LMX1B: variants seen among roughly 807,000 people sequenced by gnomAD.
LMX1B encodes the protein LIM homeobox transcription factor 1 beta.
Under a neutral mutation model 51.4 loss-of-function variants are expected in LMX1B, and 12 were observed. The ratio of observed to expected loss-of-function variants is 0.23; its 90% CI spans 0.15 to 0.38. The LOEUF is 0.38. LMX1B is among the 10% of genes least tolerant of loss of function. The pLI is 1.00. For synonymous variants in LMX1B, 237 were observed against 235.4 expected (o/e 1.01, Z -0.06); for missense variants, 445 against 571.1 (o/e 0.78, Z 2.25).
chr9:126,648,231 T>C (rs1381229855), intron 2 of LMX1B, among the ~76,000 whole-genome samples: 1 of 152,216 alleles, frequency 6.6e-6, no homozygotes, highest in Non-Finnish European at 1.5e-5. Context: ...GAAAGTTTGC[T>C]TAGCTGTGCT....
intron 2 of LMX1B, among the ~76,000 whole-genome samples, chr9:126,682,078 A>C (rs1836685686): frequency 1.7e-5 from 1 of 58,500 alleles, no homozygotes; most frequent in Non-Finnish European, 3.4e-5. Flanking sequence ...CTTGGTCCCC[A>C]GGGTCTTTTT....
intron 2 of LMX1B, among the ~76,000 whole-genome samples, chr9:126,689,897 T>A (rs568301633): frequency 6.6e-6 from 1 of 152,328 alleles, no homozygotes; most frequent in South Asian, 2.1e-4. Context: ...CTTGCAGGGT[T>A]GTTGCAAGGA....
rs1835527686 is a variant in LMX1B at position 126,626,215 on chromosome 9, C to T, written c.326+10646C>T. Among the ~76,000 whole-genome samples, 1 of 152,218 alleles carries T rather than the reference C, an allele frequency of 6.6e-6. No individual in the cohort carries two copies. Among genetic ancestry groups the T allele is most frequent in the Admixed American group, 6.5e-5 (1 of 15,288 alleles). Reference sequence around the variant, plus strand: ...CGTGCGCCCTGGCAGAGGTCGGGGACGCCAGAGTGCACGCAGTCTCCTGCG... The same window carrying T: ...CGTGCGCCCTGGCAGAGGTCGGGGATGCCAGAGTGCACGCAGTCTCCTGCG... On this transcript the variant is annotated intron_variant, in intron 2 of 7. Coordinates refer to ENST00000373474, the MANE Select transcript of LMX1B (RefSeq NM_001174147.2). This position sits in a 1 kb window ranked among gnomAD's most constrained non-coding sequence, Gnocchi z 4.3.
chr9:126,676,383 G>A (rs990370216), intron 2 of LMX1B, among the ~76,000 whole-genome samples: 20 of 152,186 alleles, frequency 1.3e-4, no homozygotes, highest in Admixed American at 1.2e-3. Flanking sequence ...TGGCTTGTTC[G>A]CTGCTGTCCC....
At chr9:126,665,341 G>A (rs1369352158) in intron 2 of LMX1B, among the ~76,000 whole-genome samples, 2 of 152,126 alleles carry the variant, frequency 1.3e-5, no homozygotes, top group African/African-American at 2.4e-5. Context: ...TGCCAGCTGT[G>A]CAGTGACATT....
At chr9:126,667,590 G>A (rs1219084359) in intron 2 of LMX1B, among the ~76,000 whole-genome samples, 1 of 152,232 alleles carries the variant, frequency 6.6e-6, no homozygotes, top group East Asian at 1.9e-4. Context: ...GAGCTTGAGG[G>A]AGGGGCCGGT....
rs1469010287 is a variant in LMX1B, at chr9:126,696,455, C to A, written c.*4C>A. On this transcript the variant is annotated 3_prime_UTR_variant, in exon 8 of 8. Transcript: ENST00000373474. ...GAGTTCCTACTTCGCCTCCTGAGAGCCAGCCAGGCGCACGGACGCTTGGGC... is the reference window on the plus strand; with the variant it reads ...GAGTTCCTACTTCGCCTCCTGAGAGACAGCCAGGCGCACGGACGCTTGGGC... 1 of 1,613,822 alleles carries A rather than the reference C, an allele frequency of 6.2e-7. No homozygotes were observed. The highest frequency in any genetic ancestry group is 8.5e-7 in the Non-Finnish European group (1 of 1,179,886).
intron 2 of LMX1B, among the ~76,000 whole-genome samples, chr9:126,623,755 TCC>T (rs1835463785): frequency 1.2e-5 from 1 of 84,852 alleles, no homozygotes; most frequent in South Asian, 3.3e-4. Flanking sequence ...GTCACTGACC[TCC>T]TCTGCGCGGA....
At chr9:126,634,608 C>G (rs145878179) in intron 2 of LMX1B, among the ~76,000 whole-genome samples, 1 of 152,182 alleles carries the variant, frequency 6.6e-6, no homozygotes, top group Admixed American at 6.5e-5. Flanking sequence ...GCACACCCCC[C>G]CCACAATGCC....
Position 126,696,849 on chromosome 9 carries a change from G to A in LMX1B, c.*398G>A. 3.4e-6 allele frequency: 1 copy of A among 289,992 alleles called. No homozygotes were observed. The highest frequency in any genetic ancestry group is 6.7e-6 in the Non-Finnish European group (1 of 150,162). 18.0% of individuals were successfully genotyped at this position (289,992 alleles called of 1,614,324 possible). Reference sequence around the variant, plus strand: ...AAGCCCCAGGACAATGGTGTCATGAGGCGGTGACCTGAGAAGCGTGTGTAC... The same window carrying A: ...AAGCCCCAGGACAATGGTGTCATGAAGCGGTGACCTGAGAAGCGTGTGTAC... On this transcript the variant is annotated 3_prime_UTR_variant, in exon 8 of 8. Transcript: ENST00000373474.
chr9:126,693,392 CCCTGCT>C, intron 4 of LMX1B, 69 bp downstream of exon 4: 4 of 1,554,252 alleles, frequency 2.6e-6, no homozygotes, highest in Non-Finnish European at 3.5e-6. Flanking sequence ...GGAGACCACC[CCCTGCT>C]CCTGCTGGGG....
intron 2 of LMX1B, among the ~76,000 whole-genome samples, chr9:126,655,825 T>A (rs1836105563): frequency 6.6e-6 from 1 of 152,250 alleles, no homozygotes; most frequent in Admixed American, 6.5e-5. Context: ...TGCTGCTGTT[T>A]TGATCATTGA....
chr9:126,615,300 A>T lies in LMX1B; in HGVS notation c.140-83A>T. The T allele has an allele frequency of 3.5e-6, 4 of 1,146,760 alleles. No individual in the cohort carries two copies. The South Asian group carries it at 8.6e-5, about 25-fold the overall frequency. The allele number at this position is 1,146,760 out of a possible 1,614,324, so 71.0% of individuals were successfully genotyped here. A position where few individuals can be genotyped will look rare whatever the true frequency, so the allele number is the denominator to read the frequency against. On this transcript the variant is annotated intron_variant, in intron 1 of 7. Transcript: ENST00000373474. This position sits in a 1 kb window ranked among gnomAD's most constrained non-coding sequence, Gnocchi z 6.0. ...CGGGCGGCCCGAGCCCTCGGGGCCG[A>T]GGGCTGTGGGCCCGGTGCGACCGGG...
intron 2 of LMX1B, among the ~76,000 whole-genome samples, chr9:126,653,635 T>C (rs1185038174): frequency 6.6e-6 from 1 of 152,184 alleles, no homozygotes; most frequent in East Asian, 1.9e-4. Flanking sequence ...TCTCCAGTGT[T>C]GGGTGCGTTT....
chr9:126,694,182 G>A (rs1479652093), intron 6 of LMX1B, among the ~76,000 whole-genome samples: 4 of 152,174 alleles, frequency 2.6e-5, no homozygotes, highest in African/African-American at 9.7e-5. Flanking sequence ...CACACTCACT[G>A]CGTGCAGACA....
Position 126,670,811 on chromosome 9 carries a change from C to T in LMX1B, c.327-20025C>T, listed in dbSNP as rs934421640. ...AAATAACGTTTCCATGTAACACGGA[C>T]GAAAAAAGTTTATTTCATTATATGG... On this transcript the variant is annotated intron_variant, in intron 2 of 7. Transcript: ENST00000373474. Among the ~76,000 whole-genome samples the T allele has an allele frequency of 2.6e-5, 4 of 152,068 alleles. 1 individual carries two copies. Among genetic ancestry groups the T allele is most frequent in the South Asian group, 4.1e-4 (2 of 4,826 alleles).
rs1423332912 is a variant in LMX1B, at chr9:126,615,474, C to T, written c.231C>T (p.His77=). 3 of 1,610,900 alleles carry T rather than the reference C, an allele frequency of 1.9e-6. No homozygotes were observed. In the East Asian group the frequency reaches 6.7e-5, roughly 36 times the overall value. ...TGCGAGTCAACGAGTCGTCCTGGCACGAGGAGTGTTTGCAGTGCGCGGCGT... is the reference window on the plus strand; with the variant it reads ...TGCGAGTCAACGAGTCGTCCTGGCATGAGGAGTGTTTGCAGTGCGCGGCGT... The part of the protein sequence containing the change: ...FLMRVNESSW[H]EECLQCAACQ... The change falls in exon 2 of 8, where the codon CAC becomes CAT. Residue 77 remains histidine, a synonymous_variant. Coordinates refer to ENST00000373474, the MANE Select transcript of LMX1B (RefSeq NM_001174147.2). The surrounding 1 kb of genome is among the most constrained non-coding windows in gnomAD (Gnocchi z 6.0).
chr9:126,615,664 C>A lies in LMX1B; in HGVS notation c.326+95C>A. ...CGGCCCGCGCCCGCTCTGCCGCCGG[C>A]TCTGTGCGCGGCTGGGCCGGGCAGC... On this transcript the variant is annotated intron_variant, in intron 2 of 7. Coordinates refer to ENST00000373474, the MANE Select transcript of LMX1B (RefSeq NM_001174147.2). This position sits in a 1 kb window ranked among gnomAD's most constrained non-coding sequence, Gnocchi z 6.0. 1 of 1,202,412 alleles carries A rather than the reference C, an allele frequency of 8.3e-7. No homozygotes were observed. Among genetic ancestry groups the A allele is most frequent in the Non-Finnish European group, 1.2e-6 (1 of 868,728 alleles). 74.5% of individuals were successfully genotyped at this position (1,202,412 alleles called of 1,614,324 possible).
At chr9:126,652,003 G>T (rs992230758) in intron 2 of LMX1B, among the ~76,000 whole-genome samples, 1 of 151,806 alleles carries the variant, frequency 6.6e-6, no homozygotes, top group African/African-American at 2.4e-5. Context: ...CCAGAGATGG[G>T]GGGGGGCCTG....
Sources: gnomAD v4.1 joint callset for allele counts (sites outside exome capture counted in the v4.1 genomes callset) on GRCh38, gnomAD v4.1.1 for gene constraint, Gnocchi (gnomAD v3.1) non-coding constraint, MANE v1.5 for transcripts, NCBI Gene and HGNC (gene_info 2026-07-23, HGNC 2026-07-21) for gene names.